Variants in ACTMAP observed in about 807,000 individuals in gnomAD.
The protein encoded by ACTMAP is UPF0692 protein C19orf54.
chr19:40,749,402 GA>G, the ACTMAP span: 3 of 1,383,404 alleles, frequency 2.2e-6, no homozygotes, highest in Admixed American at 2.6e-5. Context: ...GAGGACACGG[GA>G]ACCCCCCCCC....
chr19:40,749,409 C>CA, the ACTMAP span: 10 of 1,415,194 alleles, frequency 7.1e-6, no homozygotes, highest in African/African-American at 2.9e-5. Context: ...CGGGAACCCC[C>CA]CCCCCACCCC....
chr19:40,741,614 G>A, the ACTMAP span: 325 of 407,784 alleles, frequency 8.0e-4, no homozygotes, highest in Non-Finnish European at 1.4e-3. Context: ...GGACAGGAAA[G>A]TTTGTGGTCA....
chr19:40,747,444 A>G, the ACTMAP span, among the ~76,000 whole-genome samples: 2 of 152,060 alleles, frequency 1.3e-5, no homozygotes, highest in South Asian at 4.2e-4. Flanking sequence ...AGGCCGAGGC[A>G]GAAGAATCGC....
At chr19:40,743,980 T>C in the ACTMAP span, 152 of 1,613,922 alleles carry the variant, frequency 9.4e-5, no homozygotes, top group Non-Finnish European at 1.2e-4. Flanking sequence ...TCGTAGCTGG[T>C]GCTGGCATTA....
At chr19:40,749,621 TGGA>T in the ACTMAP span, 3 of 1,549,456 alleles carry the variant, frequency 1.9e-6, no homozygotes, top group South Asian at 1.2e-5. Flanking sequence ...TGGCAGCGGG[TGGA>T]GGAGGCAGTG....
At chr19:40,749,243 G>C in the ACTMAP span, among the ~76,000 whole-genome samples, 1 of 152,000 alleles carries the variant, frequency 6.6e-6, no homozygotes, top group Admixed American at 6.6e-5. Context: ...CACCCGCCTC[G>C]GCCTCCCAAA....
the ACTMAP span, among the ~76,000 whole-genome samples, chr19:40,748,633 C>T: frequency 1.3e-5 from 2 of 152,222 alleles, no homozygotes; most frequent in Admixed American, 1.3e-4. Flanking sequence ...AGGAAAGTCT[C>T]AGTCCCTTTG....
At chr19:40,743,859 G>T in the ACTMAP span, 2 of 1,600,156 alleles carry the variant, frequency 1.2e-6, no homozygotes, top group Admixed American at 1.7e-5. Context: ...AATGGAGGCC[G>T]GGGAGACCCA....
chr19:40,744,863 G>A, the ACTMAP span: 26 of 1,005,162 alleles, frequency 2.6e-5, no homozygotes, highest in African/African-American at 1.6e-4. Flanking sequence ...GGTGGAAGGC[G>A]GGGGAGAGGT....
the ACTMAP span, chr19:40,744,600 G>C: frequency 1.2e-6 from 2 of 1,613,736 alleles, no homozygotes; most frequent in Admixed American, 1.7e-5. Context: ...TCTTTCCGTG[G>C]CCACCCGTAT....
chr19:40,749,587 AGACAT>A, the ACTMAP span: 1 of 1,551,226 alleles, frequency 6.4e-7, no homozygotes, highest in Non-Finnish European at 8.7e-7. Context: ...TCCAGGCCGA[AGACAT>A]GACGGGGAGC....
the ACTMAP span, chr19:40,744,911 TAGAGAGATG>T: frequency 1.3e-6 from 1 of 794,464 alleles, no homozygotes; most frequent in Non-Finnish European, 2.0e-6. Flanking sequence ...AAGGTGGAGT[TAGAGAGATG>T]GACCAGGCTC....
chr19:40,746,263 C>G, the ACTMAP span, among the ~76,000 whole-genome samples: 1 of 151,898 alleles, frequency 6.6e-6, no homozygotes, highest in African/African-American at 2.4e-5. Context: ...CTTGTTGCTC[C>G]GGCTGGAGTG....
At chr19:40,750,015 C>A in the ACTMAP span, 1 of 442,810 alleles carries the variant, frequency 2.3e-6, no homozygotes, top group Non-Finnish European at 3.9e-6. Flanking sequence ...AGGCACCTGA[C>A]GGTTAACAGG....
the ACTMAP span, chr19:40,742,655 C>T: frequency 1.2e-6 from 2 of 1,613,362 alleles, no homozygotes; most frequent in African/African-American, 1.3e-5. Flanking sequence ...GGGAGCCCTC[C>T]TCTGGCAGGG....
the ACTMAP span, chr19:40,749,431 G>A: frequency 7.7e-7 from 1 of 1,295,418 alleles, no homozygotes; most frequent in Non-Finnish European, 1.1e-6. Flanking sequence ...AGAGATCTGT[G>A]AAGTGTCTAG....
At chr19:40,742,666 ATGG>A in the ACTMAP span, 2 of 1,613,402 alleles carry the variant, frequency 1.2e-6, no homozygotes, top group Non-Finnish European at 1.7e-6. Context: ...TCTGGCAGGG[ATGG>A]TGGTTGGCAG....
the ACTMAP span, chr19:40,745,275 T>C: frequency 3.5e-6 from 5 of 1,431,630 alleles, no homozygotes; most frequent in Non-Finnish European, 4.8e-6. Context: ...CTGGGAGTGG[T>C]CGTATCCAGG....
At chr19:40,745,061 C>G in the ACTMAP span, 3 of 1,525,614 alleles carry the variant, frequency 2.0e-6, no homozygotes, top group South Asian at 3.6e-5. Context: ...CAGATCAGTC[C>G]TTAAGAAGCC....
Sources: gnomAD v4.1 joint callset for allele counts (sites outside exome capture counted in the v4.1 genomes callset) on GRCh38, gnomAD v4.1.1 for gene constraint, MANE v1.5 for transcripts, NCBI Gene and HGNC (gene_info 2026-07-23, HGNC 2026-07-21) for gene names.